Variants in GGA3 observed in about 807,000 individuals in gnomAD.
GGA3 encodes golgi associated, gamma adaptin ear containing, ARF binding protein 3.
Under a neutral mutation model 77.5 loss-of-function variants are expected in GGA3, and 57 were observed. The observed-to-expected ratio is 0.74, with a 90% CI of 0.59 to 0.92. The LOEUF is 0.92. Ranked by LOEUF, GGA3 falls within the 40% of genes least tolerant of loss-of-function variation. The pLI is 0.00. For synonymous variants in GGA3, 416 were observed against 383.7 expected, an observed-to-expected ratio of 1.08 and a Z score of -0.98; for missense variants, 970 against 914.9, an observed-to-expected ratio of 1.06 and a Z score of -0.78.
chr17:75,261,523 G>A (rs768490956), intron 1 of GGA3, 25 bp downstream of exon 1: 124 of 1,508,450 alleles, frequency 8.2e-5, no homozygotes, highest in Middle Eastern at 2.1e-4. Flanking sequence ...CTCGAGGGCA[G>A]GCAGAAACGG....
rs769990321 is a variant in GGA3 at position 75,239,823 on chromosome 17, C to A, written c.1549G>T (p.Asp517Tyr). Residue 517 changes from aspartate (D) to tyrosine (Y), a missense_variant, in exon 13 of 17, where the codon GAT (aspartate) becomes TAT (tyrosine). Physicochemically the swap from Asp to Tyr is radical, Grantham distance 160. Transcript: ENST00000537686. ...TCTTCTAGAAGCTGATCGAGGGCAT[C>A]CAGGTGGTGCAGCGCGCTGTTGCCC... Reference protein sequence around the residue: ...ALGNSALHHLDALDQLLEEAK... With the variant: ...ALGNSALHHLYALDQLLEEAK... 3.1e-6 allele frequency: 5 copies of A among 1,613,904 alleles called. No individual in the cohort carries two copies. In the South Asian group the frequency reaches 4.4e-5, roughly 14 times the overall value.
intron 1 of GGA3, among the ~76,000 whole-genome samples, chr17:75,257,816 T>C (rs1017409613): frequency 6.6e-6 from 1 of 152,082 alleles, no homozygotes; most frequent in Non-Finnish European, 1.5e-5. Context: ...TTCAACACTA[T>C]TTTGTTTTAT....
chr17:75,240,740 C>G, intron 11 of GGA3, 72 bp downstream of exon 11: 1 of 1,495,700 alleles, frequency 6.7e-7, no homozygotes, highest in Non-Finnish European at 8.9e-7. Flanking sequence ...CCGCTCAGGG[C>G]TCCTAATTCC....
chr17:75,248,295 C>T (rs1029827452), intron 1 of GGA3, among the ~76,000 whole-genome samples: 7 of 148,452 alleles, frequency 4.7e-5, no homozygotes, highest in Non-Finnish European at 8.9e-5. Flanking sequence ...CACGGTGAAA[C>T]CCCCTCTCTA....
At chr17:75,254,723 GT>G (rs2077083718) in intron 1 of GGA3, among the ~76,000 whole-genome samples, 1 of 152,168 alleles carries the variant, frequency 6.6e-6, no homozygotes, top group Non-Finnish European at 1.5e-5. Flanking sequence ...ATATTTCTGA[GT>G]TGCAATTCCT....
chr17:75,239,444 C>T lies in GGA3; in HGVS notation c.1711G>A (p.Gly571Ser). 1 of 1,580,624 alleles carries T rather than the reference C, an allele frequency of 6.3e-7. No individual in the cohort carries two copies. The highest frequency in any genetic ancestry group is 8.5e-7 in the Non-Finnish European group (1 of 1,170,860). ...AGCTCAGGCCCCTTCGGGGGGCTGCCCTGGGACTGGAAACTCAGTGGCTGG... is the reference window on the plus strand; with the variant it reads ...AGCTCAGGCCCCTTCGGGGGGCTGCTCTGGGACTGGAAACTCAGTGGCTGG... ...LFQPLSFQSQ[G>S]SPPKGPELSL... The change falls in exon 14 of 17, where the codon GGC (glycine) becomes AGC (serine). Residue 571 changes from glycine (G) to serine (S), a missense_variant. Gly to Ser is a moderately conservative substitution (Grantham distance 56). Coordinates refer to ENST00000537686, the MANE Select transcript of GGA3 (RefSeq NM_138619.4).
At position 75,239,987 on chromosome 17, in the gene GGA3, G is replaced by A. The variant is rs764641285; in HGVS notation, c.1385C>T (p.Pro462Leu). ...PSSSSSQAPL[P>L]PPFPAPVVPA... Reference sequence around the variant, plus strand: ...GACCACAGGAGCTGGGAAGGGAGGCGGCAGTGGAGCTTGGGAGCTGCTTGA... The same window carrying A: ...GACCACAGGAGCTGGGAAGGGAGGCAGCAGTGGAGCTTGGGAGCTGCTTGA... The change falls in exon 13 of 17, where the codon CCG becomes CTG. Residue 462 changes from proline to leucine, a missense_variant. By Grantham distance (98) the Pro-to-Leu change is moderately conservative. Transcript: ENST00000537686. 31 of 1,557,238 alleles carry A rather than the reference G, an allele frequency of 2.0e-5. No individual in the cohort carries two copies. In the Admixed American group the frequency reaches 3.9e-4, roughly 20 times the overall value.
In GGA3 at chr17:75,238,975, G is replaced by A; in HGVS notation, c.1889C>T (p.Ser630Phe). 6.2e-7 allele frequency: 1 copy of A among 1,614,134 alleles called. No individual in the cohort carries two copies. The highest frequency in any genetic ancestry group is 8.5e-7 in the Non-Finnish European group (1 of 1,180,022). ...GRPDVLVVVV[S>F]MLNTAPLPVK... ...AGGTAAGGGAGCCGTGTTCAGCATGGACACCACCACCACCAGCACGTCAGG... is the reference window on the plus strand; with the variant it reads ...AGGTAAGGGAGCCGTGTTCAGCATGAACACCACCACCACCAGCACGTCAGG... Residue 630 changes from serine (S) to phenylalanine (F), a missense_variant, in exon 15 of 17, where the codon TCC (serine) becomes TTC (phenylalanine). Physicochemically the swap from Ser to Phe is radical, Grantham distance 155. Coordinates refer to ENST00000537686, the MANE Select transcript of GGA3 (RefSeq NM_138619.4).
chr17:75,246,679 CCT>C, intron 2 of GGA3, 31 bp downstream of exon 2: 6 of 1,599,700 alleles, frequency 3.8e-6, no homozygotes, highest in Non-Finnish European at 5.1e-6. Context: ...CAGTCCGCTC[CCT>C]CTCAGCTGCC....
chr17:75,239,319 C>T, intron 14 of GGA3, 56 bp downstream of exon 14: 2 of 1,399,690 alleles, frequency 1.4e-6, no homozygotes, highest in Admixed American at 2.3e-5. Context: ...GCATGTCCTA[C>T]AGCTCCGTGG....
rs371327300 is a variant in GGA3 at position 75,244,715 on chromosome 17, C to T, written c.204G>A (p.Val68=). 5 of 1,610,944 alleles carry T rather than the reference C, an allele frequency of 3.1e-6. No individual in the cohort carries two copies. The highest frequency in any genetic ancestry group is 1.7e-5 in the Admixed American group (1 of 60,006). The change falls in exon 4 of 17, where the codon GTG becomes GTA. Residue 68 remains valine (V), a splice_region_variant and synonymous_variant. Transcript: ENST00000537686. ...QEWEALQALT[V]LEACMKNCGR... ...CACAGTTCTTCATGCATGCCTCCAG[C>T]ACCTGTAGCCGCACAGAGGAGAGGC... is the stretch of plus-strand genomic sequence containing the variant.
Position 75,239,507 on chromosome 17 carries a change from G to T in GGA3, c.1648C>A (p.Leu550Ile), listed in dbSNP as rs774310944. ...CCGGGCCCCGTGGAGAAGGGCAGGA[G>T]GGGCCTGGCTGGGGTGGTGGTGGGG... The part of the protein sequence containing the change: ...LIPTTTPARP[L>I]LPFSTGPGSP... The change falls in exon 14 of 17, where the codon CTC becomes ATC. Residue 550 changes from leucine (L) to isoleucine (I), a missense_variant. By Grantham distance (5) the Leu-to-Ile change is conservative (BLOSUM62 2). Transcript: ENST00000537686. The T allele has an allele frequency of 6.3e-7, 1 of 1,575,602 alleles. No individual in the cohort carries two copies. The highest frequency in any genetic ancestry group is 8.6e-7 in the Non-Finnish European group (1 of 1,165,250).
chr17:75,238,878 G>A, intron 15 of GGA3, 36 bp downstream of exon 15: 1 of 1,609,890 alleles, frequency 6.2e-7, no homozygotes, highest in Non-Finnish European at 8.5e-7. Context: ...ACAGGGTCAA[G>A]ATAAGGCCGT....
At position 75,238,205 on chromosome 17, in the gene GGA3, G is replaced by A; in HGVS notation, c.*74C>T. ...GCACTGTTGTCAGGGCATGGAGAGT[G>A]ACGGGACCAGAGCCCTCCTCGTCTC... is the stretch of plus-strand genomic sequence containing the variant. On this transcript the variant is annotated 3_prime_UTR_variant, in exon 17 of 17. Coordinates refer to ENST00000537686, the MANE Select transcript of GGA3 (RefSeq NM_138619.4). 6.4e-7 allele frequency: 1 copy of A among 1,569,452 alleles called. No individual in the cohort carries two copies. Among genetic ancestry groups the A allele is most frequent in the South Asian group, 1.2e-5 (1 of 84,552 alleles).
At chr17:75,251,905 A>G (rs1448459749) in intron 1 of GGA3, among the ~76,000 whole-genome samples, 1 of 151,262 alleles carries the variant, frequency 6.6e-6, no homozygotes, top group African/African-American at 2.4e-5. Flanking sequence ...AGCTGGGACC[A>G]CAGACACTCA....
At chr17:75,250,960 G>C (rs953040619) in intron 1 of GGA3, among the ~76,000 whole-genome samples, 1 of 149,204 alleles carries the variant, frequency 6.7e-6, no homozygotes, top group Non-Finnish European at 1.5e-5. Flanking sequence ...GCGCACCTGT[G>C]ATCCCAGCTA....
In GGA3 at chr17:75,242,469, T is replaced by C. The variant is rs1481990493; in HGVS notation, c.614A>G (p.Glu205Gly). The stretch of plus-strand genomic sequence containing the variant: ...CTTGGTCACCTTCTGGATCCGTGCC[T>C]CGTCCTGCCCCAGTGAAGAAGTTCA... ...KLIKSMVKEDEARIQKVTKRL... is the reference protein window; with the variant it reads ...KLIKSMVKEDGARIQKVTKRL... Residue 205 changes from glutamate (E) to glycine (G), a missense_variant, in exon 8 of 17, where the codon GAG (glutamate) becomes GGG (glycine). Physicochemically the swap from Glu to Gly is moderately conservative, Grantham distance 98 (BLOSUM62 -2). Transcript: ENST00000537686. The C allele has an allele frequency of 6.2e-7, 1 of 1,614,162 alleles. No homozygotes were observed. Among genetic ancestry groups the C allele is most frequent in the Admixed American group, 1.7e-5 (1 of 60,022 alleles).
At chr17:75,246,451 G>T in intron 3 of GGA3, 58 bp downstream of exon 3, 1 of 1,127,930 alleles carries the variant, frequency 8.9e-7, no homozygotes, top group Non-Finnish European at 1.4e-6. Context: ...GGGACACGAG[G>T]AATGGCGTGG....
chr17:75,248,689 G>A (rs2076845554), intron 1 of GGA3, among the ~76,000 whole-genome samples: 1 of 151,594 alleles, frequency 6.6e-6, no homozygotes, highest in Non-Finnish European at 1.5e-5. Context: ...AGGAGGCTGA[G>A]GCAGGAAAAT....
Sources: gnomAD v4.1 joint callset for allele counts (sites outside exome capture counted in the v4.1 genomes callset) on GRCh38, gnomAD v4.1.1 for gene constraint, MANE v1.5 for transcripts, NCBI Gene and HGNC (gene_info 2026-07-23, HGNC 2026-07-21) for gene names.